Variants in CADM2 observed in about 807,000 individuals in gnomAD.
CADM2 encodes the protein immunoglobulin superfamily member 4D.
A neutral mutation model predicts 49.8 loss-of-function variants in CADM2; 12 were observed. The observed-to-expected ratio is 0.24, with a 90% CI of 0.15 to 0.39. The LOEUF (loss-of-function observed/expected upper bound fraction) is 0.39. Ranked by LOEUF, CADM2 falls within the 10% of genes least tolerant of loss-of-function variation. CADM2 has a pLI of 1.00. For missense variants in CADM2, 378 were observed against 492.3 expected, an observed-to-expected ratio of 0.77 and a Z score of 2.20; for synonymous variants, 214 against 175.4, an observed-to-expected ratio of 1.22 and a Z score of -1.74.
chr3:85,996,188 T>G (rs1476871962), intron 8 of CADM2, among the ~76,000 whole-genome samples: 7 of 151,230 alleles, frequency 4.6e-5, no homozygotes, highest in Admixed American at 1.3e-4. Flanking sequence ...AATTTGAAGA[T>G]TTATATTATT....
chr3:85,231,814 G>A (rs560724363), intron 1 of CADM2, among the ~76,000 whole-genome samples: 11 of 150,940 alleles, frequency 7.3e-5, no homozygotes, highest in South Asian at 6.3e-4. Context: ...CCAAGTTCAA[G>A]TGATTCTCCT....
intron 1 of CADM2, among the ~76,000 whole-genome samples, chr3:85,198,512 C>T (rs2041403959): frequency 1.3e-5 from 2 of 150,884 alleles, no homozygotes; most frequent in South Asian, 4.2e-4. Flanking sequence ...ATATTATATG[C>T]TAATTCAGGC....
intron 1 of CADM2, among the ~76,000 whole-genome samples, chr3:84,993,426 G>T (rs1228364540): frequency 6.6e-6 from 1 of 152,178 alleles, no homozygotes. Flanking sequence ...TGAGGGAAAA[G>T]AGATAGTACA....
intron 1 of CADM2, among the ~76,000 whole-genome samples, chr3:85,232,053 C>A (rs1406538959): frequency 6.6e-6 from 1 of 151,700 alleles, no homozygotes; most frequent in Non-Finnish European, 1.5e-5. Flanking sequence ...GAGATTTGTT[C>A]TCTAAAGGAG....
At chr3:85,363,693 G>T (rs564470819) in intron 1 of CADM2, among the ~76,000 whole-genome samples, 32 of 152,282 alleles carry the variant, frequency 2.1e-4, no homozygotes, top group Middle Eastern at 3.4e-3. Flanking sequence ...CTCACTGCAA[G>T]CTCCGCCTTC....
chr3:85,565,744 T>C (rs1160551889), intron 1 of CADM2, among the ~76,000 whole-genome samples: 1 of 152,094 alleles, frequency 6.6e-6, no homozygotes, highest in Non-Finnish European at 1.5e-5. Flanking sequence ...GTTCCTATAA[T>C]TTGAAAATCC....
At chr3:85,132,258 A>T (rs950474843) in intron 1 of CADM2, among the ~76,000 whole-genome samples, 7 of 152,156 alleles carry the variant, frequency 4.6e-5, no homozygotes, top group Non-Finnish European at 7.3e-5. Flanking sequence ...CTGTCTTAGC[A>T]CCTGATCACT....
At chr3:84,973,908 A>G (rs764782937) in intron 1 of CADM2, among the ~76,000 whole-genome samples, 2 of 152,162 alleles carry the variant, frequency 1.3e-5, no homozygotes, top group Non-Finnish European at 2.9e-5. Context: ...CTTTTATTCA[A>G]TATGTTTGAA....
chr3:85,314,025 G>T (rs1259124130), intron 1 of CADM2, among the ~76,000 whole-genome samples: 3 of 152,064 alleles, frequency 2.0e-5, no homozygotes, highest in African/African-American at 7.2e-5. Flanking sequence ...CAAGTAGCTG[G>T]GACTAAGGCG....
At chr3:85,090,249 TA>T (rs2037544399) in intron 1 of CADM2, among the ~76,000 whole-genome samples, 1 of 152,186 alleles carries the variant, frequency 6.6e-6, no homozygotes, top group South Asian at 2.1e-4. Flanking sequence ...ATGTTCATTT[TA>T]TGTGAGCAAA....
intron 1 of CADM2, among the ~76,000 whole-genome samples, chr3:85,098,801 G>T (rs1377205777): frequency 3.3e-5 from 5 of 152,106 alleles, no homozygotes; most frequent in Admixed American, 2.6e-4. Flanking sequence ...CTGTATTTTT[G>T]ATCCATGTTT....
chr3:85,196,802 C>A (rs1382790567), intron 1 of CADM2, among the ~76,000 whole-genome samples: 1 of 151,946 alleles, frequency 6.6e-6, no homozygotes, highest in African/African-American at 2.4e-5. Flanking sequence ...AATTGTATCA[C>A]AAGTTTTTAG....
intron 1 of CADM2, among the ~76,000 whole-genome samples, chr3:85,542,348 CAAAG>C (rs2061569669): frequency 6.6e-6 from 1 of 152,080 alleles, no homozygotes; most frequent in African/African-American, 2.4e-5. Flanking sequence ...ATTGATTGAA[CAAAG>C]ACCTTTTGAT....
intron 3 of CADM2, among the ~76,000 whole-genome samples, chr3:85,811,802 A>C (rs891738193): frequency 3.9e-5 from 6 of 152,052 alleles, no homozygotes; most frequent in Admixed American, 3.3e-4. Context: ...TCCTCTCTCA[A>C]AACAAAGGAA....
intron 3 of CADM2, among the ~76,000 whole-genome samples, chr3:85,805,832 A>T (rs1220918269): frequency 6.6e-6 from 1 of 152,106 alleles, no homozygotes; most frequent in Non-Finnish European, 1.5e-5. Flanking sequence ...AAGGGAAGGA[A>T]TGGGTTGTCT....
At chr3:86,000,204 T>A (rs1199789248) in intron 8 of CADM2, among the ~76,000 whole-genome samples, 2 of 152,180 alleles carry the variant, frequency 1.3e-5, no homozygotes, top group Non-Finnish European at 2.9e-5. Flanking sequence ...TTTTACTTGA[T>A]GACCTGTATT....
chr3:85,246,736 C>G (rs1480492864), intron 1 of CADM2, among the ~76,000 whole-genome samples: 1 of 151,728 alleles, frequency 6.6e-6, no homozygotes, highest in African/African-American at 2.4e-5. Flanking sequence ...TTAGAATAAA[C>G]TGTGAAGAAC....
At chr3:85,924,902 C>A (rs1331594847) in intron 6 of CADM2, among the ~76,000 whole-genome samples, 1 of 152,164 alleles carries the variant, frequency 6.6e-6, no homozygotes, top group African/African-American at 2.4e-5. Context: ...ATACAACCAA[C>A]CCCCTATAAT....
intron 8 of CADM2, among the ~76,000 whole-genome samples, chr3:86,022,751 C>T (rs1733358409): frequency 6.6e-6 from 1 of 152,094 alleles, no homozygotes; most frequent in Non-Finnish European, 1.5e-5. Context: ...CAAATTTAAC[C>T]TAGGTTATTC....
Sources: gnomAD v4.1 joint callset for allele counts (sites outside exome capture counted in the v4.1 genomes callset) on GRCh38, gnomAD v4.1.1 for gene constraint, MANE v1.5 for transcripts, NCBI Gene and HGNC (gene_info 2026-07-23, HGNC 2026-07-21) for gene names.